The following MINAR1 variants were observed in gnomAD, a reference collection of about 807,000 sequenced individuals.
The protein encoded by MINAR1 is major intrinsically disordered Notch2-binding receptor 1.
Under a neutral mutation model 65.1 loss-of-function variants are expected in MINAR1, and 40 were observed. The ratio of observed to expected loss-of-function variants is 0.61; its 90% CI spans 0.48 to 0.80. The LOEUF (loss-of-function observed/expected upper bound fraction) is 0.80, where lower values mean the gene tolerates loss of function less well. Among genes scored for constraint, MINAR1 ranks in the 30% least tolerant of loss-of-function variants. The pLI is 0.00. For synonymous variants in MINAR1, 482 were observed against 449.1 expected, an observed-to-expected ratio of 1.07 and a Z score of -0.93; for missense variants, 1,128 against 1,148.0, an observed-to-expected ratio of 0.98 and a Z score of 0.25.
the MINAR1 span, chr15:79,422,170 T>G: frequency 6.6e-6 from 1 of 152,148 alleles, no homozygotes; most frequent in Admixed American, 6.5e-5. Context: ...CCCCAAACCT[T>G]CAGTGAATAA....
chr15:79,440,266 C>G (rs571076649), intron 1 of MINAR1, among the ~76,000 whole-genome samples: 1 of 152,254 alleles, frequency 6.6e-6, no homozygotes, highest in African/African-American at 2.4e-5. Context: ...AGGAGAAGAT[C>G]TGGGGTTTGG....
chr15:79,457,315 G>A lies in MINAR1; in HGVS notation c.1168G>A (p.Glu390Lys), dbSNP rs772542731. Residue 390 changes from glutamate (E) to lysine (K), a missense_variant, in exon 2 of 4, where the codon GAG becomes AAG. Glu to Lys is a moderately conservative substitution (Grantham distance 56, BLOSUM62 1). Coordinates refer to ENST00000305428, the MANE Select transcript of MINAR1 (RefSeq NM_015206.3). ...GTCCTTTTTCAATAGAAATCCCTCC[G>A]AGGAGAAGCTACACTATCCAAATGC... ...ERSFFNRNPS[E>K]EKLHYPNASS... 11 of 1,614,012 alleles carry A rather than the reference G, an allele frequency of 6.8e-6. No homozygotes were observed. Among genetic ancestry groups the A allele is most frequent in the African/African-American group, 2.7e-5 (2 of 74,890 alleles).
In MINAR1 at chr15:79,457,344, T is replaced by G; in HGVS notation, c.1197T>G (p.Ser399Arg). 1 of 1,614,162 alleles carries G rather than the reference T, an allele frequency of 6.2e-7. No individual in the cohort carries two copies. Among genetic ancestry groups the G allele is most frequent in the Non-Finnish European group, 8.5e-7 (1 of 1,180,024 alleles). ...AGAAGCTACACTATCCAAATGCCAGTAGCCAGACCCCCAATTTCCCAGCCC... is the reference window on the plus strand; with the variant it reads ...AGAAGCTACACTATCCAAATGCCAGGAGCCAGACCCCCAATTTCCCAGCCC... ...SEEKLHYPNASSQTPNFPAPE... is the reference protein window; with the variant it reads ...SEEKLHYPNARSQTPNFPAPE... The change falls in exon 2 of 4, where the codon AGT becomes AGG. Residue 399 changes from serine (S) to arginine (R), a missense_variant. Ser to Arg is a moderately radical substitution (Grantham distance 110). Coordinates refer to ENST00000305428, the MANE Select transcript of MINAR1 (RefSeq NM_015206.3).
At chr15:79,430,839 A>G (rs1197265131), upstream of MINAR1, among the ~76,000 whole-genome samples, 1 of 152,248 alleles carries the variant, frequency 6.6e-6, no homozygotes, top group Non-Finnish European at 1.5e-5. Flanking sequence ...GGCGTTATTT[A>G]AAGTATCCAT....
the MINAR1 span, chr15:79,426,690 C>T: frequency 1.3e-5 from 2 of 152,224 alleles, no homozygotes; most frequent in Non-Finnish European, 2.9e-5. Flanking sequence ...GCTATACTCA[C>T]CTTCGTCTAG....
At chr15:79,425,203 C>A in the MINAR1 span, 2 of 152,216 alleles carry the variant, frequency 1.3e-5, no homozygotes, top group Admixed American at 1.3e-4. Flanking sequence ...ACACGCCCGA[C>A]TAATTTTTGT....
intron 1 of MINAR1, among the ~76,000 whole-genome samples, chr15:79,447,232 C>G (rs1299894227): frequency 6.6e-6 from 1 of 152,140 alleles, no homozygotes; most frequent in Admixed American, 6.5e-5. Context: ...CTGCATTCAG[C>G]TAAATTCCCT....
At chr15:79,414,272 C>T in the MINAR1 span, 1 of 152,204 alleles carries the variant, frequency 6.6e-6, no homozygotes, top group East Asian at 1.9e-4. Context: ...TCTGTGAGTG[C>T]ACACAAAGAG....
chr15:79,431,697 C>A (rs1894444584), upstream of MINAR1, among the ~76,000 whole-genome samples: 1 of 152,222 alleles, frequency 6.6e-6, no homozygotes, highest in Non-Finnish European at 1.5e-5. Flanking sequence ...GCCGAGGACA[C>A]TCTTCGCCCC....
intron 3 of MINAR1, among the ~76,000 whole-genome samples, chr15:79,466,749 G>A (rs533396089): frequency 5.8e-4 from 88 of 152,244 alleles, no homozygotes; most frequent in Middle Eastern, 3.4e-3. Context: ...TCTCAAAGGG[G>A]TAGCTAAGGA....
At position 79,469,528 on chromosome 15, in the gene MINAR1, C is replaced by T. The variant is rs1895997251; in HGVS notation, c.*1144C>T. On this transcript the variant is annotated 3_prime_UTR_variant, in exon 4 of 4. Transcript: ENST00000305428. ...GCAAAAAATATTATCTGTTTAACCA[C>T]TTATCTATATGTCTATCTATCTATC... 1 of 152,314 alleles carries T rather than the reference C, an allele frequency of 6.6e-6. No individual in the cohort carries two copies. The highest frequency in any genetic ancestry group is 2.4e-5 in the African/African-American group (1 of 41,332). The allele number at this position is 152,314 out of a possible 1,614,324, so 9.4% of individuals were successfully genotyped here. A position where few individuals can be genotyped will look rare whatever the true frequency, so the allele number is the denominator to read the frequency against.
chr15:79,463,378 C>T, intron 3 of MINAR1, 57 bp downstream of exon 3: 12 of 1,590,538 alleles, frequency 7.5e-6, no homozygotes, highest in Admixed American at 1.7e-5. Flanking sequence ...GGCAAATGCC[C>T]TGGAATGGAT....
chr15:79,449,437 G>A (rs1326455510), intron 1 of MINAR1, among the ~76,000 whole-genome samples: 3 of 152,224 alleles, frequency 2.0e-5, no homozygotes, highest in Non-Finnish European at 4.4e-5. Context: ...TAGCTCTGGA[G>A]GCCGGGAAGT....
intron 1 of MINAR1, among the ~76,000 whole-genome samples, chr15:79,450,056 C>G (rs1314595708): frequency 1.3e-5 from 2 of 152,200 alleles, no homozygotes; most frequent in African/African-American, 2.4e-5. Flanking sequence ...TCCTCTGGCA[C>G]TTGACAGTCA....
intron 1 of MINAR1, among the ~76,000 whole-genome samples, chr15:79,441,773 A>C (rs1489300950): frequency 6.6e-6 from 1 of 152,134 alleles, no homozygotes; most frequent in African/African-American, 2.4e-5. Flanking sequence ...TATAAATAAT[A>C]TCAAAAACCC....
chr15:79,465,115 C>T (rs1413473896), intron 3 of MINAR1, among the ~76,000 whole-genome samples: 1 of 152,128 alleles, frequency 6.6e-6, no homozygotes, highest in African/African-American at 2.4e-5. Flanking sequence ...GGTTACAGAG[C>T]TTTAGGTGAC....
chr15:79,454,927 T>C (rs1443101048), intron 1 of MINAR1, among the ~76,000 whole-genome samples: 1 of 129,984 alleles, frequency 7.7e-6, no homozygotes, highest in Non-Finnish European at 1.7e-5. Context: ...TACATTAAAA[T>C]CTGTGAACAG....
Position 79,458,318 on chromosome 15 carries a change from C to T in MINAR1, c.2171C>T (p.Ala724Val). ...EENSATESKIASISNSPRDWR... is the reference protein window; with the variant it reads ...EENSATESKIVSISNSPRDWR... ...AACAGTGCCACAGAGTCCAAAATTG[C>T]CAGCATCTCCAACTCGCCCAGAGAC... The change falls in exon 2 of 4, where the codon GCC (alanine) becomes GTC (valine). Residue 724 changes from alanine (A) to valine (V), a missense_variant. Ala to Val is a moderately conservative substitution (Grantham distance 64). Transcript: ENST00000305428. 3 of 1,614,168 alleles carry T rather than the reference C, an allele frequency of 1.9e-6. No homozygotes were observed. The highest frequency in any genetic ancestry group is 2.5e-6 in the Non-Finnish European group (3 of 1,180,032).
At chr15:79,416,378 A>G in the MINAR1 span, 1 of 152,218 alleles carries the variant, frequency 6.6e-6, no homozygotes, top group Non-Finnish European at 1.5e-5. Context: ...GATCGAACAG[A>G]TTTCTTGGCC....
Sources: allele counts gnomAD v4.1 joint callset (sites outside exome capture counted in the v4.1 genomes callset), GRCh38; gene constraint gnomAD v4.1.1; transcripts MANE v1.5; gene names NCBI Gene and HGNC (gene_info 2026-07-23, HGNC 2026-07-21).